The following NFKBIA variants were observed in gnomAD, a reference collection of about 807,000 sequenced individuals.
NFKBIA encodes NFKB inhibitor alpha, also known as NF-kappa-B inhibitor alpha.
A neutral mutation model predicts 36.3 loss-of-function variants in NFKBIA; 10 were observed. The observed-to-expected ratio is 0.28, with a 90% CI of 0.17 to 0.47. NFKBIA has a LOEUF of 0.47. Ranked by LOEUF, NFKBIA falls within the 20% of genes least tolerant of loss-of-function variation. NFKBIA has a pLI of 0.99. For missense variants in NFKBIA, 355 were observed against 399.3 expected (o/e 0.89, Z 0.94); for synonymous variants, 205 against 164.4 (o/e 1.25, Z -1.89).
Position 35,404,716 on chromosome 14 carries a change from C to A in NFKBIA, c.-72G>T. ...GCTGCGCGCTGCTTCCTCGCTGGGG[C>A]GCTGGCGGGCGGGACGGCGGCACGG... On this transcript the variant is annotated 5_prime_UTR_variant, in exon 1 of 6. Transcript: ENST00000216797. 9.0e-7 allele frequency: 1 copy of A among 1,111,744 alleles called. No individual in the cohort carries two copies. Among genetic ancestry groups the A allele is most frequent in the Non-Finnish European group, 1.2e-6 (1 of 855,390 alleles). 68.9% of individuals were successfully genotyped at this position (1,111,744 alleles called of 1,614,324 possible).
rs1037979982 is a variant in NFKBIA at position 35,404,740 on chromosome 14, G to T, written c.-96C>A. The T allele has an allele frequency of 4.8e-6, 4 of 825,634 alleles. No homozygotes were observed. The highest frequency in any genetic ancestry group is 1.8e-5 in the African/African-American group (1 of 55,084). The allele number at this position is 825,634 out of a possible 1,614,324, so 51.1% of individuals were successfully genotyped here. A position where few individuals can be genotyped will look rare whatever the true frequency, so the allele number is the denominator to read the frequency against. ...GCGCTGGCGGGCGGGACGGCGGCAC[G>T]GACTGCTGTGGGCTCTGCAGCGCCG... On this transcript the variant is annotated 5_prime_UTR_variant, in exon 1 of 6. Coordinates refer to ENST00000216797, the MANE Select transcript of NFKBIA (RefSeq NM_020529.3).
At chr14:35,402,328 G>T in intron 5 of NFKBIA, 66 bp downstream of exon 5, 1 of 1,589,272 alleles carries the variant, frequency 6.3e-7, no homozygotes, top group Non-Finnish European at 8.6e-7. Context: ...GCAGCTCTAG[G>T]GGCCTGGGAG....
chr14:35,402,198 G>A, intron 5 of NFKBIA, 138 bp from the exon 6 acceptor site: 1 of 1,262,000 alleles, frequency 7.9e-7, no homozygotes, highest in Middle Eastern at 1.9e-4. Flanking sequence ...TTTACAGGCT[G>A]AGAGAGTTTG....
Position 35,403,812 on chromosome 14 carries a change from A to AG in NFKBIA, c.228-15dup. The stretch of plus-strand genomic sequence containing the variant: ...AAGTGCAGGAACCTGTGGGGAAGAG[A>AG]GGGAAAAACCCCAGGGGTGGTGAGT... On this transcript the variant is annotated splice_polypyrimidine_tract_variant and intron_variant, in intron 1 of 5. Coordinates refer to ENST00000216797, the MANE Select transcript of NFKBIA (RefSeq NM_020529.3). 3.8e-6 allele frequency: 6 copies of AG among 1,599,858 alleles called. No homozygotes were observed. The highest frequency in any genetic ancestry group is 5.1e-6 in the Non-Finnish European group (6 of 1,168,892).
rs1566589630 is a variant in NFKBIA, at chr14:35,401,942, CT to C, written c.*70del. 1 of 1,572,618 alleles carries C rather than the reference CT, an allele frequency of 6.4e-7. No individual in the cohort carries two copies. Among genetic ancestry groups the C allele is most frequent in the Non-Finnish European group, 8.7e-7 (1 of 1,146,330 alleles). On this transcript the variant is annotated 3_prime_UTR_variant, in exon 6 of 6. Transcript: ENST00000216797. ...CCCTTTAAATTTTTTCTTCTTTTTT[CT>C]TTTTTTAGAAAAATAAAACTTTTTT...
At chr14:35,403,870 CG>C in intron 1 of NFKBIA, 72 bp from the exon 2 acceptor site, 1 of 1,120,684 alleles carries the variant, frequency 8.9e-7, no homozygotes, top group Non-Finnish European at 1.3e-6. Context: ...GCGCGGGCTG[CG>C]GGGGATTGCG....
At chr14:35,404,285 C>T in intron 1 of NFKBIA, 133 bp downstream of exon 1, 1 of 550,912 alleles carries the variant, frequency 1.8e-6, no homozygotes, top group Non-Finnish European at 2.7e-6. Context: ...GCAGGAGCCC[C>T]GGGGTGCCGC....
Position 35,401,588 on chromosome 14 carries a change from T to C in NFKBIA, c.*425A>G, listed in dbSNP as rs1415940173. On this transcript the variant is annotated 3_prime_UTR_variant, in exon 6 of 6. Coordinates refer to ENST00000216797, the MANE Select transcript of NFKBIA (RefSeq NM_020529.3). ...TACCAACAATACATTATGTACACCA[T>C]TTACAGGAGGGTAACACAAACCTTG... 9 of 289,428 alleles carry C rather than the reference T, an allele frequency of 3.1e-5. No individual in the cohort carries two copies. Among genetic ancestry groups the C allele is most frequent in the South Asian group, 1.8e-4 (3 of 16,486 alleles). 17.9% of individuals were successfully genotyped at this position (289,428 alleles called of 1,614,324 possible).
rs70937092 is a variant in NFKBIA at position 35,402,235 on chromosome 14, A to AGTAAGCTATTAAAAAAAAG, written c.906+158_906+159insCTTTTTTTTAATAGCTTAC. Among the ~76,000 whole-genome samples the AGTAAGCTATTAAAAAAAAG allele has an allele frequency of 9.7e-3, 1,444 of 148,936 alleles. 15 individuals are homozygous for AGTAAGCTATTAAAAAAAAG. The highest frequency in any genetic ancestry group is 0.03 in the African/African-American group (1,185 of 39,112). On this transcript the variant is annotated intron_variant, in intron 5 of 5. Coordinates refer to ENST00000216797, the MANE Select transcript of NFKBIA (RefSeq NM_020529.3). The stretch of plus-strand genomic sequence containing the variant: ...CTTTAATGCTTCTCTTTAAAAAAAG[A>AGTAAGCTATTAAAAAAAAG]GGGGGGGCAGGTACATTCTTGGGAT...
Position 35,402,571 on chromosome 14 carries a change from G to A in NFKBIA, c.729C>T (p.Val243=), listed in dbSNP as rs767141805. ...VSLLLKCGAD[V]NRVTYQGYSP... ...AATAGCCCTGGTAGGTAACTCTGTTGACATCAGCCCCACACTTCAACAGGA... is the reference window on the plus strand; with the variant it reads ...AATAGCCCTGGTAGGTAACTCTGTTAACATCAGCCCCACACTTCAACAGGA... The change falls in exon 5 of 6, where the codon GTC becomes GTT. Residue 243 remains valine (V), a synonymous_variant. Transcript: ENST00000216797. The A allele has an allele frequency of 6.2e-7, 1 of 1,614,232 alleles. No homozygotes were observed.
chr14:35,403,146 A>G lies in NFKBIA; in HGVS notation c.547+4T>C. ...GGTGGGGCAGGGCAGGGAGGCAGAC[A>G]TACCATTGTAGTTGGTAGCCTTCAG... On this transcript the variant is annotated splice_donor_region_variant and intron_variant, in intron 3 of 5. Transcript: ENST00000216797. 6.2e-7 allele frequency: 1 copy of G among 1,609,840 alleles called. No individual in the cohort carries two copies. Among genetic ancestry groups the G allele is most frequent in the Non-Finnish European group, 8.5e-7 (1 of 1,178,024 alleles).
intron 3 of NFKBIA, 60 bp from the exon 4 acceptor site, chr14:35,402,919 A>C: frequency 6.7e-7 from 1 of 1,491,126 alleles, no homozygotes; most frequent in Non-Finnish European, 9.3e-7. Context: ...CCTTTCACCT[A>C]TTCTTTTATG....
chr14:35,402,965 C>T, intron 3 of NFKBIA, 106 bp from the exon 4 acceptor site: 1 of 1,318,140 alleles, frequency 7.6e-7, no homozygotes, highest in Middle Eastern at 2.4e-4. Flanking sequence ...TTTAAGAACC[C>T]ACAGTCTGGG....
intron 5 of NFKBIA, 65 bp from the exon 6 acceptor site, chr14:35,402,125 TG>T: frequency 6.3e-7 from 1 of 1,582,928 alleles, no homozygotes; most frequent in Non-Finnish European, 8.7e-7. Context: ...GCTACCGGGA[TG>T]GGGAGGCCAC....
rs529614549 is a variant in NFKBIA at position 35,404,708 on chromosome 14, C to G, written c.-64G>C. 19 of 1,171,914 alleles carry G rather than the reference C, an allele frequency of 1.6e-5. No homozygotes were observed. Among genetic ancestry groups the G allele is most frequent in the Non-Finnish European group, 2.0e-5 (18 of 908,888 alleles). The allele number at this position is 1,171,914 out of a possible 1,614,324, so 72.6% of individuals were successfully genotyped here. A position where few individuals can be genotyped will look rare whatever the true frequency, so the allele number is the denominator to read the frequency against. On this transcript the variant is annotated 5_prime_UTR_variant, in exon 1 of 6. Coordinates refer to ENST00000216797, the MANE Select transcript of NFKBIA (RefSeq NM_020529.3). ...GGCCGCGGGCTGCGCGCTGCTTCCT[C>G]GCTGGGGCGCTGGCGGGCGGGACGG...
At position 35,404,659 on chromosome 14, in the gene NFKBIA, G is replaced by T. The variant is rs1459711887; in HGVS notation, c.-15C>A. On this transcript the variant is annotated 5_prime_UTR_variant, in exon 1 of 6. Coordinates refer to ENST00000216797, the MANE Select transcript of NFKBIA (RefSeq NM_020529.3). Reference sequence around the variant, plus strand: ...GCCTGGAACATGGCGCGGACGAGCTGCGGGCGCTGCTGCGGGTGCGCTGGG... The same window carrying T: ...GCCTGGAACATGGCGCGGACGAGCTTCGGGCGCTGCTGCGGGTGCGCTGGG... 2.7e-6 allele frequency: 4 copies of T among 1,460,404 alleles called. No homozygotes were observed. The African/African-American group carries it at 5.9e-5, about 22-fold the overall frequency. 90.5% of individuals were successfully genotyped at this position (1,460,404 alleles called of 1,614,324 possible). A position where few individuals can be genotyped will look rare whatever the true frequency, so the allele number is the denominator to read the frequency against.
chr14:35,404,155 G>A (rs1042039657), intron 1 of NFKBIA: 5 of 367,392 alleles, frequency 1.4e-5, no homozygotes, highest in Admixed American at 9.3e-5. Flanking sequence ...CGGCCTAGAG[G>A]ACGGGTCTGG....
intron 1 of NFKBIA, chr14:35,404,005 G>A (rs1296365185): frequency 3.4e-6 from 2 of 582,382 alleles, no homozygotes; most frequent in East Asian, 6.0e-5. Context: ...GGCGGGCGCC[G>A]GCCAGACCGC....
chr14:35,402,713 G>C, intron 4 of NFKBIA, 50 bp from the exon 5 acceptor site: 2 of 1,614,162 alleles, frequency 1.2e-6, no homozygotes, highest in Non-Finnish European at 1.7e-6. Context: ...TGGAATTTCT[G>C]CTCACAACAT....
Sources: gnomAD v4.1 joint callset for allele counts (sites outside exome capture counted in the v4.1 genomes callset) on GRCh38, gnomAD v4.1.1 for gene constraint, MANE v1.5 for transcripts, NCBI Gene and HGNC (gene_info 2026-07-23, HGNC 2026-07-21) for gene names.